The following GLI3 variants were observed in gnomAD, a reference collection of about 807,000 sequenced individuals.
GLI3 encodes GLI family zinc finger 3.
A neutral mutation model predicts 100.8 loss-of-function variants in GLI3; 20 were observed. The observed-to-expected ratio is 0.20, with a 90% CI of 0.14 to 0.29. The LOEUF (loss-of-function observed/expected upper bound fraction) is 0.29, where lower values mean the gene tolerates loss of function less well. Ranked by LOEUF, GLI3 falls within the 10% of genes least tolerant of loss-of-function variation. The pLI, the probability that GLI3 is intolerant of heterozygous loss-of-function variation, is 1.00. For synonymous variants in GLI3, 938 were observed against 860.5 expected (o/e 1.09, Z -1.58); for missense variants, 2,040 against 2,128.5 (o/e 0.96, Z 0.82).
At chr7:42,237,973 C>CCCGCCGCCG (rs1466049965), upstream of GLI3, 3 of 154,718 alleles carry the variant, frequency 1.9e-5, no homozygotes, top group African/African-American at 8.2e-5. Flanking sequence ...TCCCTCCCCG[C>CCCGCCGCCG]CCTCCGCCGC....
intron 3 of GLI3, among the ~76,000 whole-genome samples, chr7:42,094,889 A>T (rs1254609650): frequency 6.6e-6 from 1 of 152,184 alleles, no homozygotes; most frequent in Non-Finnish European, 1.5e-5. Flanking sequence ...AGGAGTCACA[A>T]AGCCACCCAC....
chr7:41,992,010 G>A (rs994766136), intron 10 of GLI3, among the ~76,000 whole-genome samples: 6 of 152,144 alleles, frequency 3.9e-5, no homozygotes, highest in Non-Finnish European at 8.8e-5. Context: ...AAATTATAAG[G>A]GGAGTTGAGT....
intron 2 of GLI3, among the ~76,000 whole-genome samples, chr7:42,217,832 A>C (rs775952270): frequency 6.6e-6 from 1 of 152,224 alleles, no homozygotes; most frequent in Non-Finnish European, 1.5e-5. Context: ...AAGAAAACAG[A>C]ATCTTTTTGT....
At chr7:42,257,437 C>T (rs1019080507) in intron 1 of GLI3, among the ~76,000 whole-genome samples, 2 of 151,324 alleles carry the variant, frequency 1.3e-5, no homozygotes, top group Admixed American at 6.6e-5. Flanking sequence ...CTCCGCCTCC[C>T]GGGTTCATGC....
chr7:42,255,793 G>A (rs1691302407), intron 1 of GLI3, among the ~76,000 whole-genome samples: 1 of 152,120 alleles, frequency 6.6e-6, no homozygotes, highest in African/African-American at 2.4e-5. Context: ...GGCTTTGTGT[G>A]GACATATGTC....
intron 3 of GLI3, among the ~76,000 whole-genome samples, chr7:42,124,655 C>T (rs984495154): frequency 2.0e-4 from 30 of 152,172 alleles, no homozygotes; most frequent in Admixed American, 2.0e-3. Flanking sequence ...TCAAAGTTCC[C>T]GACTTGCTTG....
At chr7:42,182,658 A>ATATATATATGTGTG (rs1787622120) in intron 2 of GLI3, among the ~76,000 whole-genome samples, 1 of 56,050 alleles carries the variant, frequency 1.8e-5, no homozygotes, top group African/African-American at 1.0e-4. Context: ...ATATATATAT[A>ATATATATATGTGTG]TATATATATA....
intron 10 of GLI3, among the ~76,000 whole-genome samples, chr7:41,991,794 A>G (rs1456268513): frequency 6.6e-6 from 1 of 152,228 alleles, no homozygotes; most frequent in Non-Finnish European, 1.5e-5. Context: ...AGGGAGGCTG[A>G]CACAGGAAAA....
intron 4 of GLI3, among the ~76,000 whole-genome samples, chr7:42,072,029 C>T (rs1198536229): frequency 2.0e-5 from 3 of 152,166 alleles, no homozygotes; most frequent in Admixed American, 1.3e-4. Context: ...TGCTCATTTT[C>T]CCTAAGACAG....
intron 1 of GLI3, among the ~76,000 whole-genome samples, chr7:42,259,392 G>A (rs1789117134): frequency 2.0e-5 from 3 of 152,154 alleles, no homozygotes; most frequent in Admixed American, 1.3e-4. Flanking sequence ...GCATTTTATA[G>A]AGAAGTGCTT....
intron 12 of GLI3, among the ~76,000 whole-genome samples, chr7:41,973,160 C>G (rs1034508776): frequency 6.6e-6 from 1 of 152,164 alleles, no homozygotes; most frequent in Non-Finnish European, 1.5e-5. Flanking sequence ...TAAAAATTGC[C>G]GATGGCATCT....
chr7:42,138,347 A>G (rs1283749271), intron 3 of GLI3, among the ~76,000 whole-genome samples: 1 of 152,214 alleles, frequency 6.6e-6, no homozygotes, highest in East Asian at 1.9e-4. Context: ...TACTGCATTT[A>G]AAACATCATT....
At chr7:42,010,122 C>T (rs1788570985) in intron 10 of GLI3, among the ~76,000 whole-genome samples, 1 of 152,214 alleles carries the variant, frequency 6.6e-6, no homozygotes, top group Admixed American at 6.5e-5. Context: ...ACTTGCAGCA[C>T]TTTCTCCAAA....
At chr7:42,100,311 G>C (rs1252197858) in intron 3 of GLI3, among the ~76,000 whole-genome samples, 1 of 152,192 alleles carries the variant, frequency 6.6e-6, no homozygotes, top group Non-Finnish European at 1.5e-5. Flanking sequence ...CCCTTTAAAA[G>C]ATATGTTGAA....
intron 2 of GLI3, chr7:42,172,455 A>G: frequency 1.6e-6 from 1 of 638,662 alleles, no homozygotes; most frequent in Non-Finnish European, 2.8e-6. Context: ...AAAAGGATAA[A>G]CTTTTTTACA....
rs145859702 is a variant in GLI3 at position 41,965,086 on chromosome 7, G to T, written c.3987C>A (p.Gly1329=). ...GQGYLAHQLL[G]DSMQHPGAGR... is the part of the protein sequence containing the mutation. ...CTGCCCCCGGGTGCTGCATGCTGTC[G>T]CCGAGGAGCTGGTGAGCCAGGTACC... is the stretch of plus-strand genomic sequence containing the variant. Residue 1329 remains glycine, a synonymous_variant, in exon 15 of 15, where the codon GGC becomes GGA. Coordinates refer to ENST00000395925, the MANE Select transcript of GLI3 (RefSeq NM_000168.6). The T allele has an allele frequency of 6.2e-7, 1 of 1,613,768 alleles. No homozygotes were observed. The highest frequency in any genetic ancestry group is 8.5e-7 in the Non-Finnish European group (1 of 1,179,998).
chr7:42,226,554 A>T (rs1202095076), intron 1 of GLI3, among the ~76,000 whole-genome samples: 1 of 152,198 alleles, frequency 6.6e-6, no homozygotes, highest in African/African-American at 2.4e-5. Flanking sequence ...CCCGTCTGAA[A>T]TGGATTTTTT....
At position 42,187,777 on chromosome 7, in the gene GLI3, G is replaced by A. The variant is rs576785174; in HGVS notation, c.124+35353C>T. On this transcript the variant is annotated intron_variant, in intron 2 of 14. Coordinates refer to ENST00000395925, the MANE Select transcript of GLI3 (RefSeq NM_000168.6). The stretch of plus-strand genomic sequence containing the variant: ...CCCAGCACTTTGGGAGGCCGAGACC[G>A]GTGGATCACAAGGTCAGGAGATCCA... Among the ~76,000 whole-genome samples, 202 of 152,006 alleles carry A rather than the reference G, an allele frequency of 1.3e-3. 1 individual carries two copies. The highest frequency in any genetic ancestry group is 2.2e-3 in the Non-Finnish European group (148 of 67,988).
intron 13 of GLI3, among the ~76,000 whole-genome samples, chr7:41,970,645 A>T (rs1787339943): frequency 6.6e-6 from 1 of 152,126 alleles, no homozygotes; most frequent in African/African-American, 2.4e-5. Context: ...TGTAATTTTT[A>T]TTTCTACCAA....
Sources: gnomAD v4.1 joint callset for allele counts (sites outside exome capture counted in the v4.1 genomes callset) on GRCh38, gnomAD v4.1.1 for gene constraint, MANE v1.5 for transcripts, NCBI Gene and HGNC (gene_info 2026-07-23, HGNC 2026-07-21) for gene names.